The following ACOT12 variants were observed in gnomAD, a reference collection of about 807,000 sequenced individuals.
The protein encoded by ACOT12 is acyl-CoA thioesterase 12.
ACOT12 carries 51 observed loss-of-function variants against 67.7 expected under a neutral mutation model. That is an observed-to-expected ratio of 0.75 (90% CI 0.60 to 0.95). The LOEUF (loss-of-function observed/expected upper bound fraction) is 0.95, where lower values mean the gene tolerates loss of function less well. ACOT12 is among the 40% of genes least tolerant of loss of function. The pLI is 0.00. For missense variants in ACOT12, 734 were observed against 708.1 expected (o/e 1.04, Z -0.41); for synonymous variants, 251 against 244.6 (o/e 1.03, Z -0.24).
At chr5:81,316,919 G>A in the ACOT12 span, among the ~76,000 whole-genome samples, 19 of 152,274 alleles carry the variant, frequency 1.2e-4, no homozygotes, top group East Asian at 3.7e-3. Context: ...ATTTATTGCA[G>A]AATTGAAACG....
chr5:81,375,053 G>A (rs900218585), intron 2 of ACOT12, among the ~76,000 whole-genome samples: 1 of 152,170 alleles, frequency 6.6e-6, no homozygotes, highest in African/African-American at 2.4e-5. Flanking sequence ...ATTCACCAAG[G>A]TTGAAATGAA....
At position 81,346,156 on chromosome 5, in the gene ACOT12, C is replaced by G. The variant is rs971104000; in HGVS notation, c.654-152G>C. The G allele has an allele frequency of 6.5e-6, 8 of 1,225,426 alleles. No individual in the cohort carries two copies. The African/African-American group carries it at 1.1e-4, about 16-fold the overall frequency. 75.9% of individuals were successfully genotyped at this position (1,225,426 alleles called of 1,614,324 possible). On this transcript the variant is annotated intron_variant, in intron 6 of 14. Transcript: ENST00000307624. ...GGTTGAGGGTAGGTCTGCACGCTAC[C>G]TGCCAATATTTTGGGAAATACCATG...
At chr5:81,348,006 A>C (rs1759435303) in intron 5 of ACOT12, 76 bp from the exon 6 acceptor site, 1 of 1,471,908 alleles carries the variant, frequency 6.8e-7, no homozygotes, top group Non-Finnish European at 9.2e-7. Flanking sequence ...CCTTCCCGGC[A>C]GTACATTCAA....
chr5:81,382,095 AAATT>A (rs1760599695), intron 2 of ACOT12, among the ~76,000 whole-genome samples: 1 of 152,166 alleles, frequency 6.6e-6, no homozygotes, highest in Non-Finnish European at 1.5e-5. Context: ...GCATAAAATA[AAATT>A]AAAACTCAGA....
chr5:81,356,696 A>G (rs1027731049), intron 5 of ACOT12, among the ~76,000 whole-genome samples: 2 of 151,844 alleles, frequency 1.3e-5, no homozygotes, highest in African/African-American at 4.8e-5. Flanking sequence ...CCAAGCAGAC[A>G]CCCAGGAGTC....
At position 81,363,813 on chromosome 5, in the gene ACOT12, A is replaced by G; in HGVS notation, c.335T>C (p.Val112Ala). ...CTTTTCTTTTCCAACTGGTTTGGCT[A>G]CAAATGTGGAGAAAGCCACACTAAC... is the stretch of plus-strand genomic sequence containing the variant. ...KLVSVAFSTF[V>A]AKPVGKEKIH... Residue 112 changes from valine to alanine, a missense_variant, in exon 4 of 15, where the codon GTA becomes GCA. Val to Ala is a moderately conservative substitution (Grantham distance 64). Transcript: ENST00000307624. The G allele has an allele frequency of 6.2e-7, 1 of 1,611,404 alleles. No homozygotes were observed. The highest frequency in any genetic ancestry group is 8.5e-7 in the Non-Finnish European group (1 of 1,178,790).
chr5:81,360,383 C>T (rs1759868557), intron 4 of ACOT12, among the ~76,000 whole-genome samples: 1 of 152,076 alleles, frequency 6.6e-6, no homozygotes, highest in Non-Finnish European at 1.5e-5. Flanking sequence ...GAAATCTAAA[C>T]ATTTCCTATC....
intron 11 of ACOT12, 64 bp from the exon 12 acceptor site, chr5:81,335,965 T>C: frequency 2.7e-6 from 4 of 1,506,816 alleles, no homozygotes; most frequent in Non-Finnish European, 3.6e-6. Flanking sequence ...AGAAACCATA[T>C]GCATATATAT....
At chr5:81,383,305 G>A (rs1331318603) in intron 2 of ACOT12, among the ~76,000 whole-genome samples, 2 of 152,090 alleles carry the variant, frequency 1.3e-5, no homozygotes, top group Non-Finnish European at 2.9e-5. Flanking sequence ...CTTGAACCTG[G>A]GTTGCAGTGA....
chr5:81,358,971 T>A (rs1187123278), intron 5 of ACOT12, among the ~76,000 whole-genome samples: 1 of 152,152 alleles, frequency 6.6e-6, no homozygotes, highest in Non-Finnish European at 1.5e-5. Context: ...GGTCCCAGGA[T>A]ATCCCCTGGG....
intron 14 of ACOT12, 112 bp downstream of exon 14, chr5:81,330,702 T>C (rs915302106): frequency 3.9e-6 from 6 of 1,527,136 alleles, no homozygotes; most frequent in Non-Finnish European, 5.3e-6. Flanking sequence ...AGGATTCCCA[T>C]AGTGTGGACA....
chr5:81,329,879 T>G (rs1758760260), downstream of ACOT12: 1 of 152,260 alleles, frequency 6.6e-6, no homozygotes, highest in Admixed American at 6.5e-5. Context: ...TTCCATTATG[T>G]TTTAATGTCT....
intron 3 of ACOT12, among the ~76,000 whole-genome samples, chr5:81,369,125 A>G (rs1760168086): frequency 6.6e-6 from 1 of 152,040 alleles, no homozygotes; most frequent in Non-Finnish European, 1.5e-5. Flanking sequence ...ATCTCAATAA[A>G]ACTGATTCTT....
intron 2 of ACOT12, among the ~76,000 whole-genome samples, chr5:81,378,949 A>G (rs1217046984): frequency 1.3e-5 from 2 of 152,206 alleles, no homozygotes; most frequent in Admixed American, 1.3e-4. Context: ...AGAACTAGAA[A>G]TACCATTTGA....
chr5:81,323,905 TAC>T, the ACOT12 span, among the ~76,000 whole-genome samples: 1 of 147,384 alleles, frequency 6.8e-6, no homozygotes, highest in African/African-American at 2.5e-5. Flanking sequence ...TACGTATATA[TAC>T]ACGTATATAT....
At chr5:81,314,030 C>A in the ACOT12 span, among the ~76,000 whole-genome samples, 1 of 152,136 alleles carries the variant, frequency 6.6e-6, no homozygotes, top group Non-Finnish European at 1.5e-5. Flanking sequence ...AAAGTTAGGT[C>A]TAATGCTTTT....
chr5:81,388,251 A>G (rs1314689351), intron 1 of ACOT12, among the ~76,000 whole-genome samples: 1 of 152,218 alleles, frequency 6.6e-6, no homozygotes. Flanking sequence ...CAGGAGCTCA[A>G]TAATCATGAT....
chr5:81,336,952 T>C (rs1759023939), intron 11 of ACOT12, among the ~76,000 whole-genome samples: 1 of 152,180 alleles, frequency 6.6e-6, no homozygotes, highest in Admixed American at 6.5e-5. Flanking sequence ...CCTCTCCAAT[T>C]GAACTTGGTT....
intron 2 of ACOT12, among the ~76,000 whole-genome samples, chr5:81,380,004 T>C (rs1236756351): frequency 6.6e-6 from 1 of 152,120 alleles, no homozygotes; most frequent in Non-Finnish European, 1.5e-5. Context: ...TACATACCTG[T>C]CATAATCTGT....
Sources: gnomAD v4.1 joint callset for allele counts (sites outside exome capture counted in the v4.1 genomes callset) on GRCh38, gnomAD v4.1.1 for gene constraint, MANE v1.5 for transcripts, NCBI Gene and HGNC (gene_info 2026-07-23, HGNC 2026-07-21) for gene names.